The following COL24A1 variants were observed in gnomAD, a reference collection of about 807,000 sequenced individuals.
The protein encoded by COL24A1 is collagen alpha-1(XXIV) chain.
COL24A1 carries 224 observed loss-of-function variants against 253.9 expected under a neutral mutation model. That is an observed-to-expected ratio of 0.88 (90% CI 0.79 to 0.99). COL24A1 has a LOEUF of 0.99. Ranked by LOEUF, COL24A1 falls within the 50% of genes least tolerant of loss-of-function variation. The pLI, the probability that COL24A1 is intolerant of heterozygous loss-of-function variation, is 0.00. For synonymous variants in COL24A1, 685 were observed against 673.7 expected, an observed-to-expected ratio of 1.02 and a Z score of -0.26; for missense variants, 2,131 against 2,068.5, an observed-to-expected ratio of 1.03 and a Z score of -0.59.
chr1:85,748,014 T>A (rs1424405037), intron 55 of COL24A1, among the ~76,000 whole-genome samples: 1 of 152,232 alleles, frequency 6.6e-6, no homozygotes, highest in East Asian at 1.9e-4. Context: ...AAAATTACAT[T>A]TGTTAACATC....
intron 55 of COL24A1, among the ~76,000 whole-genome samples, chr1:85,747,682 T>G (rs939675932): frequency 6.6e-6 from 1 of 152,160 alleles, no homozygotes; most frequent in African/African-American, 2.4e-5. Flanking sequence ...CCCAGCCTAA[T>G]AGAGATATGT....
intron 8 of COL24A1, among the ~76,000 whole-genome samples, chr1:86,060,800 G>T (rs72960351): frequency 7.6e-4 from 115 of 152,102 alleles, no homozygotes; most frequent in African/African-American, 2.5e-3. Flanking sequence ...GATTACAGAA[G>T]AAATTCTTGT....
At chr1:85,850,051 G>A (rs1677586500) in intron 37 of COL24A1, among the ~76,000 whole-genome samples, 2 of 151,990 alleles carry the variant, frequency 1.3e-5, no homozygotes, top group South Asian at 4.2e-4. Context: ...GAAAAAGGAG[G>A]TAATCATATA....
chr1:85,781,092 A>G, intron 52 of COL24A1, 128 bp downstream of exon 52: 1 of 646,144 alleles, frequency 1.5e-6, no homozygotes, highest in Non-Finnish European at 2.5e-6. Context: ...ATCATTTTCC[A>G]GAAGAAAATG....
At chr1:85,803,715 T>C (rs1483386057) in intron 47 of COL24A1, among the ~76,000 whole-genome samples, 1 of 152,184 alleles carries the variant, frequency 6.6e-6, no homozygotes, top group African/African-American at 2.4e-5. Flanking sequence ...ATTTTGTATA[T>C]TAATCTTGCA....
intron 37 of COL24A1, among the ~76,000 whole-genome samples, chr1:85,858,643 C>G (rs1034181696): frequency 4.7e-5 from 7 of 148,260 alleles, no homozygotes; most frequent in African/African-American, 1.7e-4. Flanking sequence ...TTCCTTCCTT[C>G]CTTCCTTCCT....
chr1:85,743,583 C>G (rs1413977094), intron 57 of COL24A1, among the ~76,000 whole-genome samples: 2 of 152,108 alleles, frequency 1.3e-5, no homozygotes, highest in Non-Finnish European at 1.5e-5. Context: ...ACTGCACAAT[C>G]CACACCATTT....
At chr1:86,139,180 G>C (rs1650714103) in intron 2 of COL24A1, among the ~76,000 whole-genome samples, 1 of 2,994 alleles carries the variant, frequency 3.3e-4, no homozygotes, top group African/African-American at 3.4e-4. Context: ...GAAGGAGAAA[G>C]GGGGGGGAGA....
chr1:85,813,532 C>CTTTTTTTTTTTTTTTTTT (rs765607746), intron 47 of COL24A1, among the ~76,000 whole-genome samples: 1 of 76,248 alleles, frequency 1.3e-5, no homozygotes, highest in African/African-American at 6.7e-5. Context: ...TCATTCAGGT[C>CTTTTTTTTTTTTTTTTTT]TTTTTTTTTT....
At chr1:85,742,147 C>A (rs7532853) in intron 57 of COL24A1, among the ~76,000 whole-genome samples, 1 of 146,866 alleles carries the variant, frequency 6.8e-6, no homozygotes, top group Non-Finnish European at 1.5e-5. Flanking sequence ...CTTTTTTTTT[C>A]TTTTGAGACA....
intron 35 of COL24A1, among the ~76,000 whole-genome samples, chr1:85,872,000 T>C (rs942305193): frequency 1.3e-5 from 2 of 152,210 alleles, no homozygotes; most frequent in Non-Finnish European, 2.9e-5. Flanking sequence ...TTCAGCAAAG[T>C]ATCAGGATAC....
intron 19 of COL24A1, among the ~76,000 whole-genome samples, chr1:85,989,415 A>G (rs17128644): frequency 0.011 from 1,711 of 151,758 alleles, 33 homozygotes; most frequent in African/African-American, 0.039. Flanking sequence ...AGCCCCATCC[A>G]TTACATCTCC....
At chr1:85,830,211 G>C (rs1675018785) in intron 43 of COL24A1, among the ~76,000 whole-genome samples, 1 of 152,062 alleles carries the variant, frequency 6.6e-6, no homozygotes, top group African/African-American at 2.4e-5. Context: ...CCCTGCTGGG[G>C]GGTGCCTCCC....
intron 43 of COL24A1, among the ~76,000 whole-genome samples, chr1:85,830,182 G>A (rs951707488): frequency 5.9e-5 from 9 of 151,994 alleles, no homozygotes; most frequent in South Asian, 2.1e-4. Flanking sequence ...GTACCCGGCC[G>A]TGTGAGGTGT....
chr1:85,921,654 C>T (rs759768842), intron 24 of COL24A1, among the ~76,000 whole-genome samples: 1 of 152,180 alleles, frequency 6.6e-6, no homozygotes, highest in Non-Finnish European at 1.5e-5. Context: ...CACACAAAAA[C>T]CCCACCTGTA....
intron 37 of COL24A1, among the ~76,000 whole-genome samples, chr1:85,861,491 C>G (rs745991368): frequency 6.6e-6 from 1 of 152,062 alleles, no homozygotes; most frequent in Non-Finnish European, 1.5e-5. Context: ...AGACGTACTC[C>G]CATGTTTTCT....
chr1:85,963,804 C>A (rs981154274), intron 23 of COL24A1, among the ~76,000 whole-genome samples: 3 of 152,142 alleles, frequency 2.0e-5, no homozygotes, highest in Middle Eastern at 3.2e-3. Flanking sequence ...GATTCCGTTT[C>A]TTGCCAGTTT....
intron 24 of COL24A1, among the ~76,000 whole-genome samples, chr1:85,943,142 G>A (rs1021123108): frequency 6.6e-6 from 1 of 152,156 alleles, no homozygotes; most frequent in Non-Finnish European, 1.5e-5. Flanking sequence ...CTGTTGCCTT[G>A]GACATTAGAA....
chr1:85,902,792 G>A (rs915852030), intron 28 of COL24A1, among the ~76,000 whole-genome samples: 6 of 152,176 alleles, frequency 3.9e-5, no homozygotes, highest in African/African-American at 1.4e-4. Context: ...AGGGAGGTTA[G>A]TGGGTACAAA....
Sources: gnomAD v4.1 joint callset for allele counts (sites outside exome capture counted in the v4.1 genomes callset) on GRCh38, gnomAD v4.1.1 for gene constraint, MANE v1.5 for transcripts, NCBI Gene and HGNC (gene_info 2026-07-23, HGNC 2026-07-21) for gene names.